The following SMYD3 variants were observed in gnomAD, a reference collection of about 807,000 sequenced individuals.
The protein encoded by SMYD3 is histone-lysine N-methyltransferase SMYD3.
SMYD3 carries 36 observed loss-of-function variants against 57.7 expected under a neutral mutation model. That is an observed-to-expected ratio of 0.62 (90% CI 0.48 to 0.82). The LOEUF is 0.82. Among genes scored for constraint, SMYD3 ranks in the 40% least tolerant of loss-of-function variants. The probability of loss-of-function intolerance (pLI) is 0.00; values close to 1 mark genes in which losing one functional copy is unlikely to be tolerated. For synonymous variants in SMYD3, 211 were observed against 195.0 expected, an observed-to-expected ratio of 1.08 and a Z score of -0.68; for missense variants, 515 against 538.8, an observed-to-expected ratio of 0.96 and a Z score of 0.44.
chr1:246,391,960 T>C (rs1157349493), intron 1 of SMYD3, among the ~76,000 whole-genome samples: 3 of 152,150 alleles, frequency 2.0e-5, no homozygotes, highest in African/African-American at 7.2e-5. Flanking sequence ...GACCTCAATA[T>C]TTGCATCAGA....
chr1:246,097,201 C>A (rs1325538509), intron 5 of SMYD3, among the ~76,000 whole-genome samples: 1 of 152,178 alleles, frequency 6.6e-6, no homozygotes, highest in African/African-American at 2.4e-5. Context: ...ATTCCCTTTA[C>A]ATTTATTGTT....
At chr1:245,856,560 A>C (rs1388788770) in intron 10 of SMYD3, among the ~76,000 whole-genome samples, 1 of 152,236 alleles carries the variant, frequency 6.6e-6, no homozygotes, top group Non-Finnish European at 1.5e-5. Context: ...TCTTTGTTTA[A>C]AGTCAGTCAA....
chr1:245,797,559 A>C (rs2047587948), intron 10 of SMYD3, among the ~76,000 whole-genome samples: 1 of 151,322 alleles, frequency 6.6e-6, no homozygotes, highest in African/African-American at 2.4e-5. Context: ...TAGCATTAGG[A>C]GATATACCTA....
intron 5 of SMYD3, among the ~76,000 whole-genome samples, chr1:246,298,924 T>C (rs1388090370): frequency 1.3e-5 from 2 of 152,130 alleles, no homozygotes; most frequent in Admixed American, 1.3e-4. Flanking sequence ...TTATATCACT[T>C]TTAAGATTGG....
chr1:245,846,312 C>T (rs925762969), intron 10 of SMYD3, among the ~76,000 whole-genome samples: 1 of 152,152 alleles, frequency 6.6e-6, no homozygotes, highest in African/African-American at 2.4e-5. Flanking sequence ...AGTGTGTAGG[C>T]AACAGATTCT....
At chr1:246,295,435 C>G (rs1356088152) in intron 5 of SMYD3, among the ~76,000 whole-genome samples, 2 of 152,124 alleles carry the variant, frequency 1.3e-5, no homozygotes, top group African/African-American at 2.4e-5. Flanking sequence ...GTAATTCCAA[C>G]TATAAGAGGC....
chr1:246,003,793 C>A (rs550131430), intron 5 of SMYD3, among the ~76,000 whole-genome samples: 45 of 152,316 alleles, frequency 3.0e-4, no homozygotes, highest in African/African-American at 1.0e-3. Flanking sequence ...CTAATATTTA[C>A]TTTGTTGCCT....
At position 245,817,248 on chromosome 1, in the gene SMYD3, C is replaced by G. The variant is rs12042756; in HGVS notation, c.1076+41248G>C. 1.6e-4 allele frequency among the ~76,000 whole-genome samples: 23 copies of G among 142,256 alleles called. No homozygotes were observed. In the South Asian group the frequency reaches 2.8e-3, roughly 17 times the overall value. The allele number at this position is 142,256 out of a possible 152,430, so 93.3% of individuals were successfully genotyped here. On this transcript the variant is annotated intron_variant, in intron 10 of 11. Transcript: ENST00000490107. ...AAGTGGGTCCCTGACCCCTGACCCC[C>G]GAGCAGCCTAACTGGGAGGCACCCC...
At position 246,299,344 on chromosome 1, in the gene SMYD3, A is replaced by G. The variant is rs12754129; in HGVS notation, c.531+27857T>C. ...GCTATTATTAAAAACTCAAAAAATA[A>G]CATGTTGGTGAGGTTGCAGAGAAAA... On this transcript the variant is annotated intron_variant, in intron 5 of 11. Coordinates refer to ENST00000490107, the MANE Select transcript of SMYD3 (RefSeq NM_001167740.2). Among the ~76,000 whole-genome samples the G allele has an allele frequency of 4.0e-3, 610 of 152,242 alleles. 8 individuals carry two copies. Among genetic ancestry groups the G allele is most frequent in the Middle Eastern group, 6.8e-3 (2 of 294 alleles).
intron 10 of SMYD3, among the ~76,000 whole-genome samples, chr1:245,855,627 A>T (rs2051200973): frequency 6.6e-6 from 1 of 152,234 alleles, no homozygotes; most frequent in Non-Finnish European, 1.5e-5. Context: ...CTAATACTAA[A>T]CATTATACAT....
chr1:246,037,184 A>G (rs2059791434), intron 5 of SMYD3, among the ~76,000 whole-genome samples: 1 of 152,220 alleles, frequency 6.6e-6, no homozygotes, highest in Non-Finnish European at 1.5e-5. Context: ...TTGCTGAGTC[A>G]AAGGATATAT....
chr1:246,457,857 T>C (rs1224958196), intron 1 of SMYD3, among the ~76,000 whole-genome samples: 1 of 152,222 alleles, frequency 6.6e-6, no homozygotes, highest in Non-Finnish European at 1.5e-5. Flanking sequence ...CCAGAATAAA[T>C]GGACATCCTC....
At chr1:246,021,689 A>G (rs1342258197) in intron 5 of SMYD3, among the ~76,000 whole-genome samples, 2 of 152,220 alleles carry the variant, frequency 1.3e-5, no homozygotes, top group African/African-American at 4.8e-5. Flanking sequence ...CATTGATGAA[A>G]AGCTATCTCA....
chr1:246,003,805 T>C (rs1418920920), intron 5 of SMYD3, among the ~76,000 whole-genome samples: 1 of 152,236 alleles, frequency 6.6e-6, no homozygotes, highest in Admixed American at 6.5e-5. Context: ...TTGTTGCCTT[T>C]CTTTCTCCAC....
intron 9 of SMYD3, among the ~76,000 whole-genome samples, chr1:245,860,150 TGCC>T (rs67484119): frequency 0.62 from 94,464 of 151,500 alleles, 30,813 homozygotes; most frequent in Non-Finnish European, 0.73. Flanking sequence ...CTGAACTCAG[TGCC>T]CCCTTCGTGC....
At position 246,051,592 on chromosome 1, in the gene SMYD3, T is replaced by A. The variant is rs187092820; in HGVS notation, c.532-121655A>T. On this transcript the variant is annotated intron_variant, in intron 5 of 11. Coordinates refer to ENST00000490107, the MANE Select transcript of SMYD3 (RefSeq NM_001167740.2). ...AATTTATAGATTAAATGCTTATACC[T>A]GACACCAGAAAAAAATAGCAATTAA... 6.9e-3 allele frequency among the ~76,000 whole-genome samples: 1,047 copies of A among 151,720 alleles called. 6 individuals are homozygous for A. The highest frequency in any genetic ancestry group is 0.034 in the Middle Eastern group (10 of 294).
intron 5 of SMYD3, among the ~76,000 whole-genome samples, chr1:246,067,861 A>C (rs1445774216): frequency 1.3e-5 from 2 of 152,180 alleles, no homozygotes; most frequent in African/African-American, 2.4e-5. Context: ...GAGGTCCGTC[A>C]GCATCATGTG....
chr1:246,122,116 T>C (rs1409774901), intron 5 of SMYD3, among the ~76,000 whole-genome samples: 2 of 152,046 alleles, frequency 1.3e-5, no homozygotes, highest in Non-Finnish European at 2.9e-5. Context: ...GACACACTTA[T>C]AAAGAATGCA....
chr1:246,177,782 ATAG>A (rs2148272173), intron 5 of SMYD3, among the ~76,000 whole-genome samples: 1 of 152,360 alleles, frequency 6.6e-6, no homozygotes, highest in African/African-American at 2.4e-5. Flanking sequence ...TGATTAGTAC[ATAG>A]AAAAGTTGCT....
Sources: allele counts gnomAD v4.1 joint callset (sites outside exome capture counted in the v4.1 genomes callset), GRCh38; gene constraint gnomAD v4.1.1; transcripts MANE v1.5; gene names NCBI Gene and HGNC (gene_info 2026-07-23, HGNC 2026-07-21).